Variants in DPP6 observed in about 807,000 individuals in gnomAD.
DPP6 encodes dipeptidyl peptidase like 6.
Under a neutral mutation model 122.6 loss-of-function variants are expected in DPP6, and 69 were observed. That is an observed-to-expected ratio of 0.56 (90% confidence interval 0.46 to 0.69). The LOEUF is 0.69. DPP6 is among the 30% of genes least tolerant of loss of function. The probability of loss-of-function intolerance (pLI) is 0.00; values close to 1 mark genes in which losing one functional copy is unlikely to be tolerated. For missense variants in DPP6, 928 were observed against 1,116.9 expected (o/e 0.83, Z 2.41); for synonymous variants, 418 against 433.1 (o/e 0.97, Z 0.43).
At chr7:154,027,830 C>T (rs886106817) in intron 1 of DPP6, among the ~76,000 whole-genome samples, 9 of 151,870 alleles carry the variant, frequency 5.9e-5, no homozygotes, top group African/African-American at 2.2e-4. Context: ...CAGTATCTTC[C>T]TTCAGCTCCT....
chr7:154,090,679 G>A (rs1374488964), intron 1 of DPP6, among the ~76,000 whole-genome samples: 4 of 151,468 alleles, frequency 2.6e-5, no homozygotes, highest in Non-Finnish European at 4.4e-5. Flanking sequence ...GGTTCAGTGG[G>A]TTGTTGAGGG....
intron 8 of DPP6, among the ~76,000 whole-genome samples, chr7:154,753,601 G>T (rs1024417686): frequency 1.3e-5 from 2 of 152,178 alleles, no homozygotes; most frequent in Admixed American, 6.5e-5. Flanking sequence ...TGAAGCTCAC[G>T]TGCCAGTGTG....
chr7:154,861,525 G>A (rs1803395129), intron 17 of DPP6, among the ~76,000 whole-genome samples: 1 of 152,040 alleles, frequency 6.6e-6, no homozygotes, highest in African/African-American at 2.4e-5. Context: ...CCAGAATTCT[G>A]TCCTAACGTC....
intron 1 of DPP6, among the ~76,000 whole-genome samples, chr7:154,184,539 C>G (rs1798257952): frequency 6.6e-6 from 1 of 152,064 alleles, no homozygotes; most frequent in African/African-American, 2.4e-5. Context: ...CTAGCAGCTG[C>G]AAGGGGCACA....
rs1302452113 is a variant in DPP6 at position 154,610,717 on chromosome 7, G to C, written c.628-27104G>C. ...TGTCTGTGTTGTTCTCTGTGTGTGTGTGTGTGTGTGTGTGTGTGTGTGTGT... is the reference window on the plus strand; with the variant it reads ...TGTCTGTGTTGTTCTCTGTGTGTGTCTGTGTGTGTGTGTGTGTGTGTGTGT... On this transcript the variant is annotated intron_variant, in intron 5 of 25. Coordinates refer to ENST00000377770, the MANE Select transcript of DPP6 (RefSeq NM_130797.4). 9.1e-3 allele frequency among the ~76,000 whole-genome samples: 349 copies of C among 38,420 alleles called. 1 individual carries two copies. The highest frequency in any genetic ancestry group is 0.031 in the Middle Eastern group (2 of 64). 25.2% of individuals were successfully genotyped at this position (38,420 alleles called of 152,430 possible).
chr7:154,568,038 C>A lies in DPP6; in HGVS notation c.627+1122C>A, dbSNP rs149695599. 1.1e-4 allele frequency among the ~76,000 whole-genome samples: 16 copies of A among 152,060 alleles called. No homozygotes were observed. The East Asian group carries it at 3.1e-3, about 29-fold the overall frequency. On this transcript the variant is annotated intron_variant, in intron 5 of 25. Coordinates refer to ENST00000377770, the MANE Select transcript of DPP6 (RefSeq NM_130797.4). ...ATTCTATAAAGGTTTTCATTTTTTC[C>A]ATCCAAATTCTTTGAAACAATGGGG...
At chr7:154,679,783 G>A (rs1159340810) in intron 7 of DPP6, among the ~76,000 whole-genome samples, 2 of 152,202 alleles carry the variant, frequency 1.3e-5, no homozygotes, top group Non-Finnish European at 2.9e-5. Context: ...ACTGAGGTCT[G>A]TGACAGTAGC....
intron 3 of DPP6, among the ~76,000 whole-genome samples, chr7:154,499,120 TG>T (rs758430855): frequency 2.2e-4 from 34 of 152,150 alleles, no homozygotes; most frequent in Non-Finnish European, 4.4e-4. Flanking sequence ...TATTTTTATC[TG>T]GACATATTGA....
chr7:154,030,279 T>C (rs1799161962), intron 1 of DPP6, among the ~76,000 whole-genome samples: 1 of 152,212 alleles, frequency 6.6e-6, no homozygotes. Flanking sequence ...TATAGACATC[T>C]TCCAAACTGA....
chr7:154,717,687 A>C (rs943644730), intron 7 of DPP6, among the ~76,000 whole-genome samples: 1 of 152,276 alleles, frequency 6.6e-6, no homozygotes, highest in South Asian at 2.1e-4. Context: ...GCCTGTTGTG[A>C]ATAGTGCTGC....
intron 1 of DPP6, among the ~76,000 whole-genome samples, chr7:154,188,620 T>C (rs1236202473): frequency 5.3e-5 from 8 of 152,176 alleles, no homozygotes; most frequent in Non-Finnish European, 1.0e-4. Context: ...GTTAAGGTAG[T>C]TGAGTTTTGC....
chr7:154,614,695 A>G (rs1254730988), intron 5 of DPP6, among the ~76,000 whole-genome samples: 2 of 152,228 alleles, frequency 1.3e-5, no homozygotes, highest in African/African-American at 4.8e-5. Context: ...TTAAATGTTA[A>G]TGTTTCATTT....
At position 154,330,620 on chromosome 7, in the gene DPP6, C is replaced by A. The variant is rs139972940; in HGVS notation, c.244-115594C>A. Reference sequence around the variant, plus strand: ...AACATGAAGAGAAAGGAATTTTCAACAATGGAGCAAACATACATTCTCAGC... The same window carrying A: ...AACATGAAGAGAAAGGAATTTTCAAAAATGGAGCAAACATACATTCTCAGC... On this transcript the variant is annotated intron_variant, in intron 1 of 25. Coordinates refer to ENST00000377770, the MANE Select transcript of DPP6 (RefSeq NM_130797.4). 3.2e-3 allele frequency among the ~76,000 whole-genome samples: 480 copies of A among 152,318 alleles called. 6 individuals carry two copies. The highest frequency in any genetic ancestry group is 0.026 in the South Asian group (124 of 4,826).
At position 154,053,054 on chromosome 7, in the gene DPP6, C is replaced by CA; in HGVS notation, c.234_235insA (p.Glu79ArgfsTer9). On this transcript the variant is annotated frameshift_variant, in exon 1 of 26. Coordinates refer to ENST00000377770, the MANE Select transcript of DPP6 (RefSeq NM_130797.4). LOFTEE classifies it high-confidence loss of function. ...AGTACCAGGCGCGGAGCGATGGTGA[C>CA]GAGGAGGACGTAAGAGCTTCTCGGG... The CA allele has an allele frequency of 9.5e-7, 1 of 1,053,980 alleles. No homozygotes were observed. The highest frequency in any genetic ancestry group is 1.1e-6 in the Non-Finnish European group (1 of 873,742). The allele number at this position is 1,053,980 out of a possible 1,614,324, so 65.3% of individuals were successfully genotyped here. A position where few individuals can be genotyped will look rare whatever the true frequency, so the allele number is the denominator to read the frequency against.
chr7:154,220,316 G>T (rs1800232570), intron 1 of DPP6, among the ~76,000 whole-genome samples: 1 of 152,126 alleles, frequency 6.6e-6, no homozygotes, highest in African/African-American at 2.4e-5. Context: ...CTTAGCTAAT[G>T]AACATAGGAA....
chr7:154,060,396 ACC>A (rs1801599797), intron 1 of DPP6, among the ~76,000 whole-genome samples: 1 of 112,200 alleles, frequency 8.9e-6, no homozygotes, highest in African/African-American at 3.8e-5. Context: ...GGCTCTTAGG[ACC>A]CCCATCGCAG....
In DPP6 at chr7:154,367,901, G is replaced by A. The variant is rs577672012; in HGVS notation, c.244-78313G>A. On this transcript the variant is annotated intron_variant, in intron 1 of 25. Coordinates refer to ENST00000377770, the MANE Select transcript of DPP6 (RefSeq NM_130797.4). Reference sequence around the variant, plus strand: ...GGCTCACTGCAACCTCCGCCTCCCGGGTTCAAGCGATTCTCCTGCCTCAGC... The same window carrying A: ...GGCTCACTGCAACCTCCGCCTCCCGAGTTCAAGCGATTCTCCTGCCTCAGC... Among the ~76,000 whole-genome samples the A allele has an allele frequency of 1.6e-3, 238 of 152,254 alleles. 1 individual carries two copies. The highest frequency in any genetic ancestry group is 1.7e-3 in the East Asian group (9 of 5,166).
At chr7:153,839,678 A>G in the DPP6 span, among the ~76,000 whole-genome samples, 1 of 152,322 alleles carries the variant, frequency 6.6e-6, no homozygotes, top group Admixed American at 6.5e-5. Flanking sequence ...GACTCTTTCA[A>G]GTTAATTTCA....
At chr7:154,409,445 T>C (rs1474463428) in intron 1 of DPP6, among the ~76,000 whole-genome samples, 1 of 152,178 alleles carries the variant, frequency 6.6e-6, no homozygotes, top group African/African-American at 2.4e-5. Context: ...GTTGTTTAAG[T>C]CTCCAAGTCT....
Sources: gnomAD v4.1 joint callset for allele counts (sites outside exome capture counted in the v4.1 genomes callset) on GRCh38, gnomAD v4.1.1 for gene constraint, MANE v1.5 for transcripts, NCBI Gene and HGNC (gene_info 2026-07-23, HGNC 2026-07-21) for gene names.